The following NTAQ1 variants were observed in gnomAD, a reference collection of about 807,000 sequenced individuals.
NTAQ1 encodes the protein N-terminal glutamine amidase 1.
A neutral mutation model predicts 28.2 loss-of-function variants in NTAQ1; 21 were observed. That is an observed-to-expected ratio of 0.74 (90% CI 0.53 to 1.07). The LOEUF (loss-of-function observed/expected upper bound fraction) is 1.07, where lower values mean the gene tolerates loss of function less well. Ranked by LOEUF, NTAQ1 falls within the 50% of genes least tolerant of loss-of-function variation. The pLI, the probability that NTAQ1 is intolerant of heterozygous loss-of-function variation, is 0.00. For synonymous variants in NTAQ1, 105 were observed against 90.0 expected (o/e 1.17, Z -0.94); for missense variants, 264 against 256.6 (o/e 1.03, Z -0.20).
chr8:123,433,114 G>C (rs1028750915), intron 3 of NTAQ1, among the ~76,000 whole-genome samples: 3 of 152,188 alleles, frequency 2.0e-5, no homozygotes, highest in African/African-American at 7.2e-5. Flanking sequence ...GTCTTTTCCT[G>C]GCAGCTGGGC....
chr8:123,466,293 TC>T, intron 6 of NTAQ1, among the ~76,000 whole-genome samples: 1 of 152,200 alleles, frequency 6.6e-6, no homozygotes, highest in South Asian at 2.1e-4. Flanking sequence ...TTAAAGTAGC[TC>T]CAGACATAAC....
downstream of NTAQ1, among the ~76,000 whole-genome samples, chr8:123,470,150 T>A (rs1345154858): frequency 6.6e-6 from 1 of 152,050 alleles, no homozygotes; most frequent in Non-Finnish European, 1.5e-5. Context: ...AAGAAGAGGG[T>A]CCTCACTAGG....
At chr8:123,425,291 C>T (rs1457490769) in intron 1 of NTAQ1, among the ~76,000 whole-genome samples, 2 of 151,784 alleles carry the variant, frequency 1.3e-5, no homozygotes, top group Non-Finnish European at 2.9e-5. Flanking sequence ...AGAGTTTCAC[C>T]ATATTGGCCA....
chr8:123,418,996 G>A lies in NTAQ1; in HGVS notation c.83+2064G>A, dbSNP rs544892592. Among the ~76,000 whole-genome samples the A allele has an allele frequency of 3.3e-5, 5 of 151,732 alleles. No homozygotes were observed. The South Asian group carries it at 6.2e-4, about 19-fold the overall frequency. On this transcript the variant is annotated intron_variant, in intron 1 of 5. Transcript: ENST00000287387. ...CCTGTAGGGGTTGGGGGGCAAAATC[G>A]CCTCTTGCTGAGAACCAGTGCTCTA...
intron 6 of NTAQ1, chr8:123,448,031 C>T (rs1025436532): frequency 3.3e-5 from 5 of 152,198 alleles, no homozygotes; most frequent in African/African-American, 9.7e-5. Flanking sequence ...CACACCTTTG[C>T]CTACTTTCTT....
downstream of NTAQ1, among the ~76,000 whole-genome samples, chr8:123,449,899 C>CTCTCTCTCT (rs1563901878): frequency 9.5e-6 from 1 of 105,596 alleles, no homozygotes; most frequent in African/African-American, 3.6e-5. Context: ...CTCTATCTCT[C>CTCTCTCTCT]CATATGTATA....
chr8:123,459,195 G>A (rs139444167), intron 6 of NTAQ1, among the ~76,000 whole-genome samples: 57 of 151,994 alleles, frequency 3.8e-4, no homozygotes, highest in Middle Eastern at 3.4e-3. Context: ...GCAGTGAGCC[G>A]TGATTATGCC....
At chr8:123,460,328 A>G (rs929906541) in intron 6 of NTAQ1, among the ~76,000 whole-genome samples, 1 of 152,208 alleles carries the variant, frequency 6.6e-6, no homozygotes, top group Non-Finnish European at 1.5e-5. Context: ...AAGAAATGGG[A>G]GTGGGCAACT....
downstream of NTAQ1, among the ~76,000 whole-genome samples, chr8:123,473,361 T>C (rs1020518096): frequency 6.6e-6 from 1 of 151,606 alleles, no homozygotes; most frequent in Non-Finnish European, 1.5e-5. Flanking sequence ...AGTGGCGCGA[T>C]CTTGGCTCAC....
chr8:123,470,336 C>T (rs913871688), downstream of NTAQ1, among the ~76,000 whole-genome samples: 7 of 152,158 alleles, frequency 4.6e-5, no homozygotes, highest in Admixed American at 1.3e-4. Flanking sequence ...AACTTGTTAC[C>T]GTGGCCTCCG....
At position 123,460,284 on chromosome 8, in the gene NTAQ1, A is replaced by G. The variant is rs144589458; in HGVS notation, c.373-6795A>G. On this transcript the variant is annotated intron_variant, in intron 6 of 6. Transcript: ENST00000650311. ...ATTAGTCCTTACAATAACCTTATGA[A>G]GTAGGAATGATTATTATCCTTATTT... is the stretch of plus-strand genomic sequence containing the variant. Among the ~76,000 whole-genome samples, 426 of 152,328 alleles carry G rather than the reference A, an allele frequency of 2.8e-3. 2 individuals carry two copies. The highest frequency in any genetic ancestry group is 9.6e-3 in the African/African-American group (398 of 41,568).
At chr8:123,464,589 G>A (rs184810564) in intron 6 of NTAQ1, among the ~76,000 whole-genome samples, 31 of 152,276 alleles carry the variant, frequency 2.0e-4, no homozygotes, top group Non-Finnish European at 2.9e-4. Flanking sequence ...GGGTACGATG[G>A]GGGCTCTGAT....
At chr8:123,468,328 C>T (rs1368926083) in exon 7 of NTAQ1, among the ~76,000 whole-genome samples, 2 of 152,200 alleles carry the variant, frequency 1.3e-5, no homozygotes, top group African/African-American at 4.8e-5. Context: ...AAGTTTTCAT[C>T]TTGCAAATGG....
downstream of NTAQ1, among the ~76,000 whole-genome samples, chr8:123,446,971 G>A (rs1355811216): frequency 1.3e-5 from 2 of 152,062 alleles, no homozygotes; most frequent in Admixed American, 6.6e-5. Context: ...GCTGATTGCC[G>A]CCGAGCTGGG....
downstream of NTAQ1, among the ~76,000 whole-genome samples, chr8:123,443,539 C>T (rs1391075797): frequency 6.6e-6 from 1 of 152,192 alleles, no homozygotes; most frequent in East Asian, 1.9e-4. Flanking sequence ...TTGGGGCTTG[C>T]CTGCTCTGTA....
chr8:123,466,263 C>G (rs1815958696), intron 6 of NTAQ1, among the ~76,000 whole-genome samples: 1 of 152,206 alleles, frequency 6.6e-6, no homozygotes, highest in African/African-American at 2.4e-5. Flanking sequence ...CAGCTTACAA[C>G]TGTGCCACTC....
At chr8:123,446,918 T>C (rs1020663117), downstream of NTAQ1, among the ~76,000 whole-genome samples, 36 of 152,146 alleles carry the variant, frequency 2.4e-4, no homozygotes, top group Non-Finnish European at 4.9e-4. Context: ...AACAACAACA[T>C]GGGGGAAGCC....
the NTAQ1 span, among the ~76,000 whole-genome samples, chr8:123,475,411 TG>T: frequency 6.6e-6 from 1 of 152,214 alleles, no homozygotes; most frequent in Admixed American, 6.5e-5. Context: ...TCATTGCTAC[TG>T]GGGTTTCATT....
At chr8:123,434,144 GCT>G (rs1467350255) in intron 3 of NTAQ1, among the ~76,000 whole-genome samples, 1 of 151,152 alleles carries the variant, frequency 6.6e-6, no homozygotes, top group Non-Finnish European at 1.5e-5. Flanking sequence ...TGCCTGCATT[GCT>G]CTCCTGCCTG....
Sources: allele counts gnomAD v4.1 joint callset (sites outside exome capture counted in the v4.1 genomes callset), GRCh38; gene constraint gnomAD v4.1.1; transcripts MANE v1.5; gene names NCBI Gene and HGNC (gene_info 2026-07-23, HGNC 2026-07-21).